SYNE2: variants seen among roughly 807,000 people sequenced by gnomAD.
SYNE2 encodes the protein nesprin-2.
A neutral mutation model predicts 856.3 loss-of-function variants in SYNE2; 431 were observed. The observed-to-expected ratio is 0.50, with a 90% CI of 0.47 to 0.55. The LOEUF is 0.55. Among genes scored for constraint, SYNE2 ranks in the 20% least tolerant of loss-of-function variants. The pLI, the probability that SYNE2 is intolerant of heterozygous loss-of-function variation, is 0.00. For synonymous variants in SYNE2, 2,923 were observed against 2,872.3 expected (o/e 1.02, Z -0.56); for missense variants, 8,129 against 8,023.2 (o/e 1.01, Z -0.50).
At position 63,995,048 on chromosome 14, in the gene SYNE2, T is replaced by TTCATCA. The variant is rs751601282; in HGVS notation, c.2788_2793dup (p.His930_His931dup). On this transcript the variant is annotated inframe_insertion, in exon 23 of 116. Transcript: ENST00000555002. ...TTCCTTTGATTTTTTTTGTAGTCTC[T>TTCATCA]TCATCATGAACTGTCTTTATATGTT... The TTCATCA allele has an allele frequency of 6.5e-7, 1 of 1,530,980 alleles. No homozygotes were observed. The highest frequency in any genetic ancestry group is 9.0e-7 in the Non-Finnish European group (1 of 1,116,854). 94.8% of individuals were successfully genotyped at this position (1,530,980 alleles called of 1,614,324 possible).
intron 1 of SYNE2, among the ~76,000 whole-genome samples, chr14:63,792,766 A>C (rs1359968870): frequency 6.6e-6 from 1 of 152,028 alleles, no homozygotes; most frequent in Non-Finnish European, 1.5e-5. Flanking sequence ...CCCAGGCTCA[A>C]GTGATCGTGA....
intron 2 of SYNE2, among the ~76,000 whole-genome samples, chr14:63,932,242 C>T (rs1300130278): frequency 1.3e-5 from 2 of 151,772 alleles, no homozygotes; most frequent in African/African-American, 2.4e-5. Flanking sequence ...ATTAGCTGGG[C>T]GTGGTGATGA....
intron 1 of SYNE2, among the ~76,000 whole-genome samples, chr14:63,766,647 T>A (rs1886696697): frequency 6.6e-6 from 1 of 152,212 alleles, no homozygotes; most frequent in African/African-American, 2.4e-5. Context: ...CTAGGTGTAC[T>A]GTTCTCCAGA....
At chr14:64,076,354 T>C (rs1420015373) in intron 54 of SYNE2, among the ~76,000 whole-genome samples, 1 of 152,194 alleles carries the variant, frequency 6.6e-6, no homozygotes, top group African/African-American at 2.4e-5. Flanking sequence ...TATAATACAG[T>C]TATATAATAT....
At chr14:63,959,452 C>T (rs2096282331) in intron 8 of SYNE2, among the ~76,000 whole-genome samples, 1 of 151,868 alleles carries the variant, frequency 6.6e-6, no homozygotes, top group Non-Finnish European at 1.5e-5. Flanking sequence ...CATGTGCAAC[C>T]ACGCATGGCT....
chr14:63,952,269 C>G (rs896238127), intron 7 of SYNE2, among the ~76,000 whole-genome samples: 1 of 152,188 alleles, frequency 6.6e-6, no homozygotes, highest in Non-Finnish European at 1.5e-5. Context: ...ACAGTGCCTG[C>G]CAGTCAGTGC....
intron 1 of SYNE2, among the ~76,000 whole-genome samples, chr14:63,816,867 A>G (rs189518056): frequency 6.7e-4 from 102 of 152,156 alleles, no homozygotes; most frequent in Middle Eastern, 3.4e-3. Flanking sequence ...CAAGTGACTC[A>G]TTACCATACC....
At chr14:63,885,078 C>T (rs898454504) in intron 1 of SYNE2, among the ~76,000 whole-genome samples, 1 of 152,150 alleles carries the variant, frequency 6.6e-6, no homozygotes, top group African/African-American at 2.4e-5. Context: ...CCGCTTTAGC[C>T]ATTGCCTCAG....
chr14:64,167,522 A>G lies in SYNE2; in HGVS notation c.16788A>G (p.Glu5596=). ...AGCTTCAGGGAATTGGATTGAATGA[A>G]AAGTTTCTTTATTGCTGTGAAAAGT... ...CSELQGIGLN[E]KFLYCCEKWI... The change falls in exon 92 of 116, where the codon GAA becomes GAG. Residue 5596 remains glutamate, a synonymous_variant. Coordinates refer to ENST00000555002, the MANE Select transcript of SYNE2 (RefSeq NM_182914.3). 1.9e-6 allele frequency: 3 copies of G among 1,614,224 alleles called. No individual in the cohort carries two copies. The highest frequency in any genetic ancestry group is 2.5e-6 in the Non-Finnish European group (3 of 1,180,046).
At chr14:63,835,413 A>G (rs1889815496) in intron 1 of SYNE2, among the ~76,000 whole-genome samples, 1 of 151,914 alleles carries the variant, frequency 6.6e-6, no homozygotes, top group South Asian at 2.1e-4. Flanking sequence ...TTGTATTTTT[A>G]GTAGAGACGG....
At chr14:64,128,977 C>T (rs1249454077) in intron 74 of SYNE2, among the ~76,000 whole-genome samples, 1 of 152,226 alleles carries the variant, frequency 6.6e-6, no homozygotes, top group African/African-American at 2.4e-5. Context: ...AAGTGCTGAA[C>T]TTGTACTCCT....
rs1314948432 is a variant in SYNE2, at chr14:63,990,431, T to C, written c.2334T>C (p.Ser778=). The stretch of plus-strand genomic sequence containing the variant: ...AATAGCATCTTATTGCCAAAGGCTC[T>C]ATGTTTGATGAGCTTATGGCAAGAA... ...ESLKHLIAKG[S]MFDELMARSE... The change falls in exon 20 of 116, where the codon TCT becomes TCC. Residue 778 remains serine, a synonymous_variant. Transcript: ENST00000555002. 6.2e-7 allele frequency: 1 copy of C among 1,613,286 alleles called. No homozygotes were observed. Among genetic ancestry groups the C allele is most frequent in the South Asian group, 1.1e-5 (1 of 91,034 alleles).
At chr14:63,806,090 A>G (rs973721883) in intron 1 of SYNE2, among the ~76,000 whole-genome samples, 3 of 152,104 alleles carry the variant, frequency 2.0e-5, no homozygotes, top group Non-Finnish European at 4.4e-5. Context: ...AGCTTTTGCC[A>G]GTTCAGTATG....
At chr14:64,100,523 A>ATATATATATAT (rs2097713951) in intron 63 of SYNE2, among the ~76,000 whole-genome samples, 1 of 71,002 alleles carries the variant, frequency 1.4e-5, no homozygotes, top group African/African-American at 8.1e-5. Flanking sequence ...TCAAAAAAAA[A>ATATATATATAT]AAAAAAAAAT....
At chr14:64,075,096 TGCTG>T (rs2097447450) in intron 53 of SYNE2, among the ~76,000 whole-genome samples, 1 of 152,210 alleles carries the variant, frequency 6.6e-6, no homozygotes, top group East Asian at 1.9e-4. Flanking sequence ...ATTTGTCCTC[TGCTG>T]AGGATTAAGA....
Position 63,961,610 on chromosome 14 carries a change from T to G in SYNE2, c.873T>G (p.Thr291=). Residue 291 remains threonine, a synonymous_variant, in exon 9 of 116, where the codon ACT becomes ACG. Coordinates refer to ENST00000555002, the MANE Select transcript of SYNE2 (RefSeq NM_182914.3). ...AGTATTCCAAAGATGCCCCTGGGAC[T>G]GGAGAGGAGGCTCAGGTATGTTTTC... ...FLQYSKDAPG[T]GEEAQGKVKD... 7 of 1,613,620 alleles carry G rather than the reference T, an allele frequency of 4.3e-6. No homozygotes were observed. Among genetic ancestry groups the G allele is most frequent in the Non-Finnish European group, 5.9e-6 (7 of 1,179,574 alleles).
chr14:64,182,927 G>A (rs2098465914), intron 96 of SYNE2, among the ~76,000 whole-genome samples: 1 of 152,210 alleles, frequency 6.6e-6, no homozygotes. Context: ...GTGACGGCTG[G>A]GCAGAGGGGC....
intron 64 of SYNE2, among the ~76,000 whole-genome samples, chr14:64,103,051 G>A (rs141331568): frequency 2.9e-4 from 44 of 152,296 alleles, no homozygotes; most frequent in Non-Finnish European, 5.3e-4. Context: ...CCATTCATCA[G>A]TTGATGGACA....
At chr14:64,123,872 A>C (rs1266858363) in intron 70 of SYNE2, among the ~76,000 whole-genome samples, 1 of 150,746 alleles carries the variant, frequency 6.6e-6, no homozygotes, top group Non-Finnish European at 1.5e-5. Context: ...ATGATTTCAC[A>C]CACACACACA....
Sources: allele counts gnomAD v4.1 joint callset (sites outside exome capture counted in the v4.1 genomes callset), GRCh38; gene constraint gnomAD v4.1.1; transcripts MANE v1.5; gene names NCBI Gene and HGNC (gene_info 2026-07-23, HGNC 2026-07-21).